The following DZANK1 variants were observed in gnomAD, a reference collection of about 807,000 sequenced individuals.
DZANK1 encodes double zinc ribbon and ankyrin repeat-containing protein 1.
In DZANK1, 91 loss-of-function variants were observed where a neutral mutation model predicts 94.5. That is an observed-to-expected ratio of 0.96 (90% CI 0.81 to 1.15). The LOEUF is 1.15. Among genes scored for constraint, DZANK1 ranks in the 50% most tolerant of loss-of-function variants. The pLI is 0.00. For synonymous variants in DZANK1, 312 were observed against 325.3 expected, an observed-to-expected ratio of 0.96 and a Z score of 0.44; for missense variants, 903 against 916.4, an observed-to-expected ratio of 0.99 and a Z score of 0.19.
At chr20:18,466,480 G>T (rs16979225) in intron 1 of DZANK1, among the ~76,000 whole-genome samples, 14,134 of 152,252 alleles carry the variant, frequency 0.093, 869 homozygotes, top group East Asian at 0.27. Context: ...CTAGGGCCAA[G>T]AATATAAACT....
chr20:18,420,709 C>T lies in DZANK1; in HGVS notation c.955-5260G>A. The T allele has an allele frequency of 1.1e-5, 2 of 179,466 alleles. 1 individual carries two copies. Among genetic ancestry groups the T allele is most frequent in the Middle Eastern group, 1.3e-3 (2 of 1,498 alleles). 11.1% of individuals were successfully genotyped at this position (179,466 alleles called of 1,614,324 possible). On this transcript the variant is annotated intron_variant, in intron 10 of 20. Transcript: ENST00000262547. ...TCCACCTTTCTTCTTTATTGGATGG[C>T]ATCCTCTTGGCTTTGAGACTGTCTT...
At chr20:18,462,937 T>TAAAAAAAAAAAAAAAAAAAAGAAA (rs2059523106) in intron 2 of DZANK1, among the ~76,000 whole-genome samples, 1 of 111,306 alleles carries the variant, frequency 9.0e-6, no homozygotes. Context: ...GACTCGGTCT[T>TAAAAAAAAAAAAAAAAAAAAGAAA]AAAAAAAAAA....
intron 12 of DZANK1, 143 bp downstream of exon 12, chr20:18,414,205 A>G (rs2057382132): frequency 2.1e-6 from 2 of 949,590 alleles, no homozygotes; most frequent in African/African-American, 3.3e-5. Flanking sequence ...GACTGCATTT[A>G]TTTACACACC....
chr20:18,398,659 G>A, intron 13 of DZANK1, 33 bp from the exon 14 acceptor site: 7 of 1,584,190 alleles, frequency 4.4e-6, no homozygotes, highest in Non-Finnish European at 4.3e-6. Flanking sequence ...CCATCTGGAT[G>A]ATTCTCCTGA....
chr20:18,430,617 C>T (rs2058243682), intron 9 of DZANK1, among the ~76,000 whole-genome samples: 1 of 152,132 alleles, frequency 6.6e-6, no homozygotes, highest in Non-Finnish European at 1.5e-5. Context: ...GAGTTCCAGA[C>T]CAGCCTGGGC....
In DZANK1 at chr20:18,463,867, T is replaced by C. The variant is rs1478600418; in HGVS notation, c.109+1383A>G. Among the ~76,000 whole-genome samples the C allele has an allele frequency of 1.0e-4, 3 of 29,340 alleles. 1 individual carries two copies. Among genetic ancestry groups the C allele is most frequent in the Admixed American group, 6.9e-4 (3 of 4,334 alleles). The allele number at this position is 29,340 out of a possible 152,430, so 19.2% of individuals were successfully genotyped here. On this transcript the variant is annotated intron_variant, in intron 2 of 20. Transcript: ENST00000262547. ...ACATTTCAGTTATTAAAATATATAA[T>C]TGGTTAAAAAAAGGCAAAAATTGGA... is the stretch of plus-strand genomic sequence containing the variant.
chr20:18,429,932 T>C (rs949160693), intron 9 of DZANK1, among the ~76,000 whole-genome samples: 2 of 152,220 alleles, frequency 1.3e-5, no homozygotes, highest in African/African-American at 4.8e-5. Context: ...CAGATGGCCT[T>C]AATGGGGATG....
In DZANK1 at chr20:18,398,418, A is replaced by G. The variant is rs1287674125; in HGVS notation, c.1536+105T>C. On this transcript the variant is annotated intron_variant, in intron 14 of 20. Transcript: ENST00000262547. ...AGAAAGTGTAGAAAGCAGAGCAGGA[A>G]AGGGAAAGGAGCCAGGCAAGATGCA... The G allele has an allele frequency of 2.6e-5, 25 of 968,698 alleles. No individual in the cohort carries two copies. In the East Asian group the frequency reaches 5.5e-4, roughly 21 times the overall value. The allele number at this position is 968,698 out of a possible 1,614,324, so 60.0% of individuals were successfully genotyped here.
intron 9 of DZANK1, 172 bp downstream of exon 9, chr20:18,433,480 T>A (rs1342891383): frequency 5.1e-6 from 3 of 582,814 alleles, no homozygotes; most frequent in Non-Finnish European, 9.1e-6. Context: ...AGGCGGAGGT[T>A]GCAGTGAGCT....
intron 10 of DZANK1, among the ~76,000 whole-genome samples, chr20:18,416,224 T>A (rs2057482273): frequency 6.6e-6 from 1 of 152,184 alleles, no homozygotes; most frequent in Non-Finnish European, 1.5e-5. Context: ...AAAGCCTGGC[T>A]TCTCTCCCTG....
exon 21 of DZANK1, chr20:18,384,438 T>C: frequency 6.2e-7 from 1 of 1,611,954 alleles, no homozygotes; most frequent in Non-Finnish European, 8.5e-7. Flanking sequence ...TTTGAGCGAG[T>C]TGGTCCTCAA....
At chr20:18,446,362 T>C (rs1383306409) in intron 7 of DZANK1, among the ~76,000 whole-genome samples, 1 of 152,158 alleles carries the variant, frequency 6.6e-6, no homozygotes, top group Non-Finnish European at 1.5e-5. Context: ...TCCTCCAGTA[T>C]TTGGAAATAT....
intron 8 of DZANK1, among the ~76,000 whole-genome samples, chr20:18,436,664 G>T (rs1160295343): frequency 6.6e-6 from 1 of 152,020 alleles, no homozygotes; most frequent in African/African-American, 2.4e-5. Context: ...AAGAATGGAA[G>T]AAACAATGGC....
intron 12 of DZANK1, 102 bp from the exon 13 acceptor site, chr20:18,412,955 A>C: frequency 4.7e-4 from 522 of 1,103,032 alleles, no homozygotes; most frequent in Non-Finnish European, 5.9e-4. Flanking sequence ...AAAGTATCTC[A>C]AGAAAAGTGT....
intron 13 of DZANK1, among the ~76,000 whole-genome samples, chr20:18,409,572 ACACACACACAC>A (rs1415639871): frequency 1.6e-5 from 2 of 127,340 alleles, no homozygotes; most frequent in Non-Finnish European, 3.7e-5. Flanking sequence ...ACACACACAC[ACACACACACAC>A]CACCACCACC....
chr20:18,384,702 C>T (rs1468352654), intron 20 of DZANK1, 138 bp from the exon 21 acceptor site: 37 of 887,674 alleles, frequency 4.2e-5, no homozygotes, highest in Non-Finnish European at 5.8e-5. Flanking sequence ...CAAGAGGTCA[C>T]AGTGACTTCA....
At chr20:18,399,493 G>A (rs907616384) in intron 13 of DZANK1, among the ~76,000 whole-genome samples, 1 of 152,078 alleles carries the variant, frequency 6.6e-6, no homozygotes, top group African/African-American at 2.4e-5. Context: ...GCCTCCCAAA[G>A]TGCTAGGATT....
chr20:18,426,975 C>T, intron 10 of DZANK1, 92 bp downstream of exon 10: 4 of 933,090 alleles, frequency 4.3e-6, no homozygotes, highest in Admixed American at 3.1e-5. Flanking sequence ...GGTCTCTCTC[C>T]CCAACCCCCT....
intron 18 of DZANK1, 101 bp downstream of exon 18, chr20:18,390,278 G>T: frequency 1.8e-6 from 2 of 1,092,328 alleles, no homozygotes; most frequent in Non-Finnish European, 2.8e-6. Context: ...AAAGGGCAGT[G>T]TAATTTTCAC....
Sources: gnomAD v4.1 joint callset for allele counts (sites outside exome capture counted in the v4.1 genomes callset) on GRCh38, gnomAD v4.1.1 for gene constraint, MANE v1.5 for transcripts, NCBI Gene and HGNC (gene_info 2026-07-23, HGNC 2026-07-21) for gene names.